Variants in MOK observed in about 807,000 individuals in gnomAD.
MOK encodes MAPK/MAK/MRK overlapping kinase.
A neutral mutation model predicts 54.2 loss-of-function variants in MOK; 59 were observed. The ratio of observed to expected loss-of-function variants is 1.09; its 90% confidence interval spans 0.88 to 1.35. The LOEUF (loss-of-function observed/expected upper bound fraction) is 1.35. MOK is among the 40% of genes most tolerant of loss of function. MOK has a pLI of 0.00. For synonymous variants in MOK, 210 were observed against 202.7 expected (o/e 1.04, Z -0.31); for missense variants, 517 against 526.2 (o/e 0.98, Z 0.17).
intron 4 of MOK, among the ~76,000 whole-genome samples, chr14:102,257,847 C>T (rs968518141): frequency 1.3e-5 from 2 of 151,916 alleles, no homozygotes; most frequent in East Asian, 1.9e-4. Context: ...CGTGGTGGCA[C>T]GCACCTGTAG....
chr14:102,228,204 G>A (rs2153078366), downstream of MOK, among the ~76,000 whole-genome samples: 1 of 152,286 alleles, frequency 6.6e-6, no homozygotes, highest in Non-Finnish European at 1.5e-5. Flanking sequence ...CAGGGGCAGG[G>A]CTCCATACTC....
At chr14:102,260,759 T>C (rs1441151215) in intron 4 of MOK, 3 of 152,124 alleles carry the variant, frequency 2.0e-5, no homozygotes, top group Non-Finnish European at 2.9e-5. Context: ...TTGAAAGAAA[T>C]AGATTCAATT....
At chr14:102,250,773 C>T (rs762049790) in intron 7 of MOK, 39 bp downstream of exon 7, 2 of 1,597,222 alleles carry the variant, frequency 1.3e-6, no homozygotes, top group Non-Finnish European at 1.7e-6. Flanking sequence ...CTGCACCGCT[C>T]CGCCGCAGGA....
chr14:102,259,324 G>T (rs2067208461), intron 4 of MOK, among the ~76,000 whole-genome samples: 1 of 152,070 alleles, frequency 6.6e-6, no homozygotes, highest in Admixed American at 6.6e-5. Flanking sequence ...TAAAGCCTTA[G>T]TGATTGATTC....
chr14:102,289,264 G>C (rs765546606), intron 1 of MOK, among the ~76,000 whole-genome samples: 5 of 151,822 alleles, frequency 3.3e-5, no homozygotes, highest in Non-Finnish European at 7.4e-5. Context: ...AAAAAAAACA[G>C]AGTTAGGAAT....
At chr14:102,297,201 TAA>T (rs2071524279) in intron 1 of MOK, among the ~76,000 whole-genome samples, 1 of 151,432 alleles carries the variant, frequency 6.6e-6, no homozygotes. Flanking sequence ...ACTAAAAGTA[TAA>T]AAAAATTAGC....
At chr14:102,264,703 C>A (rs927972796) in intron 3 of MOK, 4 of 152,256 alleles carry the variant, frequency 2.6e-5, no homozygotes, top group Admixed American at 6.5e-5. Context: ...AGGACAGGAA[C>A]CCACACAGTT....
intron 4 of MOK, among the ~76,000 whole-genome samples, chr14:102,262,076 C>G (rs1236963590): frequency 1.4e-5 from 2 of 148,128 alleles, no homozygotes; most frequent in Non-Finnish European, 3.0e-5. Flanking sequence ...CTCCTGACCT[C>G]GTGATCCGCC....
chr14:102,289,522 TTGAG>T (rs1261835020), intron 1 of MOK, among the ~76,000 whole-genome samples: 1 of 152,140 alleles, frequency 6.6e-6, no homozygotes, highest in African/African-American at 2.4e-5. Context: ...TTATTTTATT[TTGAG>T]ACAGAGTCTC....
chr14:102,300,255 T>C (rs1407505943), intron 1 of MOK, among the ~76,000 whole-genome samples: 3 of 127,598 alleles, frequency 2.4e-5, no homozygotes, highest in Admixed American at 9.8e-5. Flanking sequence ...ACCCGGGAGG[T>C]GGAGGTTGCA....
At chr14:102,293,701 CAAA>C (rs10598736) in intron 1 of MOK, among the ~76,000 whole-genome samples, 15,891 of 54,962 alleles carry the variant, frequency 0.29, 926 homozygotes, top group African/African-American at 0.37. Flanking sequence ...AACTCCATCA[CAAA>C]AAAAAAAAAA....
At chr14:102,298,264 T>A (rs926740029) in intron 1 of MOK, among the ~76,000 whole-genome samples, 6 of 152,216 alleles carry the variant, frequency 3.9e-5, no homozygotes, top group Non-Finnish European at 7.4e-5. Context: ...CAGCACTCTG[T>A]ATCTAGCTAA....
At chr14:102,222,884 C>A (rs372904264), downstream of MOK, 1 of 1,614,148 alleles carries the variant, frequency 6.2e-7, no homozygotes, top group Admixed American at 1.7e-5. This position sits in a 1 kb window ranked among gnomAD's most constrained non-coding sequence, Gnocchi z 4.4. Context: ...TGTAGTGTAG[C>A]GACCTCACTG....
intron 1 of MOK, among the ~76,000 whole-genome samples, chr14:102,299,236 G>A (rs1182360453): frequency 2.6e-5 from 4 of 152,136 alleles, no homozygotes; most frequent in South Asian, 2.1e-4. Context: ...TCTCTGGGCC[G>A]GACGCAGTGG....
intron 10 of MOK, 117 bp from the exon 11 acceptor site, chr14:102,229,774 G>C: frequency 1.1e-6 from 1 of 947,226 alleles, no homozygotes. Context: ...TTGACCATAA[G>C]ATGTGACTGG....
At chr14:102,284,278 T>C (rs936178190) in intron 1 of MOK, among the ~76,000 whole-genome samples, 2 of 152,128 alleles carry the variant, frequency 1.3e-5, no homozygotes, top group Middle Eastern at 3.4e-3. Context: ...GTTTGGCTTA[T>C]TGGTCAGGTG....
Position 102,240,967 on chromosome 14 carries a change from C to T in MOK, c.591-7178G>A, listed in dbSNP as rs56387259. Among the ~76,000 whole-genome samples, 8,277 of 152,234 alleles carry T rather than the reference C, an allele frequency of 0.054. 285 individuals carry two copies. Among genetic ancestry groups the T allele is most frequent in the African/African-American group, 0.1 (4,139 of 41,514 alleles). ...GCCTGACCTAAAACCTAAGTGTCTT[C>T]GCCAACACCACTTGGCCCCAATACA... On this transcript the variant is annotated intron_variant, in intron 7 of 11. Transcript: ENST00000361847. The surrounding 1 kb of genome is among the most constrained non-coding windows in gnomAD (Gnocchi z 5.4).
chr14:102,292,931 C>T (rs1045007379), intron 1 of MOK, among the ~76,000 whole-genome samples: 2 of 151,984 alleles, frequency 1.3e-5, no homozygotes, highest in Non-Finnish European at 2.9e-5. Context: ...GTCAAGGGTT[C>T]CAAACCAGCC....
Position 102,265,737 on chromosome 14 carries a change from T to G in MOK, c.212+86A>C. The G allele has an allele frequency of 2.7e-6, 3 of 1,117,742 alleles. No individual in the cohort carries two copies. The East Asian group carries it at 7.4e-5, about 27-fold the overall frequency. 69.2% of individuals were successfully genotyped at this position (1,117,742 alleles called of 1,614,324 possible). On this transcript the variant is annotated intron_variant, in intron 3 of 11. Transcript: ENST00000361847. ...ACTCTCTGAGCTACAAAGTAAATATTCAAAATGTCTACCATGGTTTTCTTT... is the reference window on the plus strand; with the variant it reads ...ACTCTCTGAGCTACAAAGTAAATATGCAAAATGTCTACCATGGTTTTCTTT...
Sources: allele counts gnomAD v4.1 joint callset (sites outside exome capture counted in the v4.1 genomes callset), GRCh38; gene constraint gnomAD v4.1.1; non-coding constraint Gnocchi (gnomAD v3.1); transcripts MANE v1.5; gene names NCBI Gene and HGNC (gene_info 2026-07-23, HGNC 2026-07-21).